The following TRMT11 variants were observed in gnomAD, a reference collection of about 807,000 sequenced individuals.
The protein encoded by TRMT11 is tRNA methyltransferase 11.
Under a neutral mutation model 62.8 loss-of-function variants are expected in TRMT11, and 53 were observed. The observed-to-expected ratio is 0.84, with a 90% CI of 0.68 to 1.06. TRMT11 has a LOEUF of 1.06. Ranked by LOEUF, TRMT11 falls within the 50% of genes least tolerant of loss-of-function variation. The probability of loss-of-function intolerance (pLI) is 0.00; values close to 1 mark genes in which losing one functional copy is unlikely to be tolerated. For missense variants in TRMT11, 556 were observed against 553.4 expected, an observed-to-expected ratio of 1.00 and a Z score of -0.05; for synonymous variants, 188 against 190.3, an observed-to-expected ratio of 0.99 and a Z score of 0.10.
intron 3 of TRMT11, among the ~76,000 whole-genome samples, chr6:126,201,842 A>T (rs965165925): frequency 2.0e-5 from 3 of 152,242 alleles, no homozygotes; most frequent in Admixed American, 6.5e-5. Context: ...TTAAAATCCA[A>T]TTCAGAGTAC....
intron 17 of TRMT11, among the ~76,000 whole-genome samples, chr6:126,108,123 G>T (rs1029782864): frequency 1.3e-5 from 2 of 152,144 alleles, no homozygotes; most frequent in Non-Finnish European, 2.9e-5. Flanking sequence ...GGGAGGCAAA[G>T]AACTGTTTTT....
intron 21 of TRMT11, among the ~76,000 whole-genome samples, chr6:126,123,999 T>A (rs1383250093): frequency 1.3e-5 from 2 of 152,110 alleles, no homozygotes; most frequent in Non-Finnish European, 2.9e-5. Flanking sequence ...AGTTTAAAAA[T>A]TTTTTTTCTG....
intron 17 of TRMT11, among the ~76,000 whole-genome samples, chr6:126,108,470 A>C (rs1258388803): frequency 2.0e-5 from 3 of 152,234 alleles, no homozygotes; most frequent in Non-Finnish European, 4.4e-5. Context: ...TGTATGTGCC[A>C]GGCACCTTAC....
intron 21 of TRMT11, among the ~76,000 whole-genome samples, chr6:126,138,270 G>A (rs542229225): frequency 1.3e-5 from 2 of 151,962 alleles, no homozygotes; most frequent in Admixed American, 6.6e-5. Context: ...ATAAAAGTGT[G>A]TTATGAATAG....
intron 1 of TRMT11, among the ~76,000 whole-genome samples, chr6:126,183,788 T>C (rs907165754): frequency 1.6e-4 from 23 of 144,344 alleles, no homozygotes; most frequent in African/African-American, 6.0e-4. Flanking sequence ...TTAGCACTTA[T>C]AGAGTGCTTC....
At chr6:126,208,873 C>A in the TRMT11 span, among the ~76,000 whole-genome samples, 5 of 152,328 alleles carry the variant, frequency 3.3e-5, no homozygotes, top group African/African-American at 1.2e-4. Flanking sequence ...CCACATACGC[C>A]TAAAGGCCTG....
chr6:126,189,205 C>T (rs952717943), intron 1 of TRMT11, among the ~76,000 whole-genome samples: 1 of 152,114 alleles, frequency 6.6e-6, no homozygotes. Context: ...AGGATAATTG[C>T]TTACCCTCTG....
At chr6:126,187,949 T>G (rs1562344377) in intron 1 of TRMT11, among the ~76,000 whole-genome samples, 1 of 139,948 alleles carries the variant, frequency 7.1e-6, no homozygotes, top group Non-Finnish European at 1.5e-5. Context: ...AGCTCCCTAC[T>G]TCACACCATA....
intron 17 of TRMT11, among the ~76,000 whole-genome samples, chr6:126,109,917 G>A (rs2128186688): frequency 6.6e-6 from 1 of 152,270 alleles, no homozygotes; most frequent in South Asian, 2.1e-4. Context: ...TATTGTACAA[G>A]ACCAGGTCTG....
At chr6:126,094,454 TA>T (rs1397912543) in intron 17 of TRMT11, among the ~76,000 whole-genome samples, 1 of 152,212 alleles carries the variant, frequency 6.6e-6, no homozygotes, top group Admixed American at 6.5e-5. Context: ...GAGCTTTAAA[TA>T]TTTGCGGCCC....
chr6:126,181,619 T>C (rs1778467789), intron 1 of TRMT11, among the ~76,000 whole-genome samples: 1 of 152,200 alleles, frequency 6.6e-6, no homozygotes, highest in African/African-American at 2.4e-5. Flanking sequence ...TGAACTCTGA[T>C]TTAAAAGAAA....
intron 17 of TRMT11, among the ~76,000 whole-genome samples, chr6:126,079,709 C>G (rs1018295035): frequency 2.0e-5 from 3 of 151,698 alleles, no homozygotes; most frequent in Admixed American, 2.0e-4. Flanking sequence ...TACCTCCAAA[C>G]CTAAAATAAA....
chr6:126,133,029 T>A (rs146625376), intron 21 of TRMT11, among the ~76,000 whole-genome samples: 549 of 152,136 alleles, frequency 3.6e-3, no homozygotes, highest in African/African-American at 0.012. Flanking sequence ...TAAGAGTTAT[T>A]TGAGCTCCAC....
At chr6:126,164,135 A>G (rs1302960655) in intron 21 of TRMT11, among the ~76,000 whole-genome samples, 1 of 152,112 alleles carries the variant, frequency 6.6e-6, no homozygotes, top group African/African-American at 2.4e-5. Flanking sequence ...CCCTCTAAAC[A>G]CTGCTTTAGC....
At position 126,198,265 on chromosome 6, in the gene TRMT11, C is replaced by A. The variant is rs547575630; in HGVS notation, n.144-534C>A. Reference sequence around the variant, plus strand: ...ACTTCTGGTGGCAGAAACTTAGGGTCAGAAATGGAGGAAACCATTGTAGGG... The same window carrying A: ...ACTTCTGGTGGCAGAAACTTAGGGTAAGAAATGGAGGAAACCATTGTAGGG... On this transcript the variant is annotated intron_variant and non_coding_transcript_variant, in intron 1 of 3. Coordinates refer to the TRMT11 transcript ENST00000444229. 5.3e-5 allele frequency among the ~76,000 whole-genome samples: 8 copies of A among 152,040 alleles called. 1 individual carries two copies. The highest frequency in any genetic ancestry group is 2.0e-4 in the Admixed American group (3 of 15,274).
At chr6:126,182,915 A>G (rs1351169127) in intron 1 of TRMT11, among the ~76,000 whole-genome samples, 3 of 152,008 alleles carry the variant, frequency 2.0e-5, no homozygotes, top group Non-Finnish European at 4.4e-5. Context: ...ATACCTTTGT[A>G]TGTTTTGTAA....
intron 12 of TRMT11, among the ~76,000 whole-genome samples, chr6:126,023,837 A>G (rs556430283): frequency 2.0e-5 from 3 of 152,324 alleles, no homozygotes; most frequent in East Asian, 1.9e-4. Context: ...TATGCCAGTT[A>G]TATTTGTTAC....
At chr6:125,988,500 T>C (rs1562227484) in intron 1 of TRMT11, among the ~76,000 whole-genome samples, 2 of 152,138 alleles carry the variant, frequency 1.3e-5, no homozygotes, top group African/African-American at 2.4e-5. Context: ...AGGGGTTCTC[T>C]TTTCAGTAGG....
intron 21 of TRMT11, among the ~76,000 whole-genome samples, chr6:126,151,485 C>T (rs557515779): frequency 6.6e-6 from 1 of 152,210 alleles, no homozygotes; most frequent in South Asian, 2.1e-4. Context: ...CTACATCTTA[C>T]ATAAAATTGT....
Sources: allele counts gnomAD v4.1 joint callset (sites outside exome capture counted in the v4.1 genomes callset), GRCh38; gene constraint gnomAD v4.1.1; transcripts MANE v1.5; gene names NCBI Gene and HGNC (gene_info 2026-07-23, HGNC 2026-07-21).